Variants in SERPINA4 observed in about 807,000 individuals in gnomAD.
SERPINA4 encodes the protein serpin family A member 4, also known as kallistatin.
In SERPINA4, 24 loss-of-function variants were observed where a neutral mutation model predicts 25.4. The ratio of observed to expected loss-of-function variants is 0.95; its 90% CI spans 0.69 to 1.33. The LOEUF is 1.33. Ranked by LOEUF, SERPINA4 falls within the 40% of genes most tolerant of loss-of-function variation. SERPINA4 has a pLI of 0.00. For missense variants in SERPINA4, 553 were observed against 535.8 expected (o/e 1.03, Z -0.32); for synonymous variants, 242 against 223.6 (o/e 1.08, Z -0.73).
chr14:94,563,851 C>T lies in SERPINA4; in HGVS notation c.369C>T (p.His123=). 1 of 1,614,178 alleles carries T rather than the reference C, an allele frequency of 6.2e-7. No homozygotes were observed. The highest frequency in any genetic ancestry group is 8.5e-7 in the Non-Finnish European group (1 of 1,180,050). ...SESDVHRGFQ[H]LLHTLNLPGH... is the part of the protein sequence containing the mutation. ...CCGATGTCCATAGGGGCTTCCAGCA[C>T]CTCCTGCACACTCTCAACCTCCCCG... Residue 123 remains histidine, a synonymous_variant, in exon 2 of 5, where the codon CAC becomes CAT. Coordinates refer to ENST00000557004, the MANE Select transcript of SERPINA4 (RefSeq NM_006215.4).
Position 94,569,693 on chromosome 14 carries a change from A to C in SERPINA4, c.*98A>C, listed in dbSNP as rs1902336418. On this transcript the variant is annotated 3_prime_UTR_variant, in exon 5 of 5. Coordinates refer to ENST00000557004, the MANE Select transcript of SERPINA4 (RefSeq NM_006215.4). ...GTTTAGAGTTGGGGACAAGGATGAC[A>C]CCGAAGGTCCAGGAGTCCAGGACAG... 6 of 1,358,734 alleles carry C rather than the reference A, an allele frequency of 4.4e-6. No homozygotes were observed. The highest frequency in any genetic ancestry group is 4.3e-5 in the African/African-American group (3 of 69,772). The allele number at this position is 1,358,734 out of a possible 1,614,324, so 84.2% of individuals were successfully genotyped here. A position where few individuals can be genotyped will look rare whatever the true frequency, so the allele number is the denominator to read the frequency against.
chr14:94,566,934 C>A (rs1257788338), intron 2 of SERPINA4, 36 bp from the exon 3 acceptor site: 3 of 1,584,974 alleles, frequency 1.9e-6, no homozygotes, highest in South Asian at 2.3e-5. Context: ...CTGTGGCCTG[C>A]AGATGTCCTG....
Position 94,563,916 on chromosome 14 carries a change from T to C in SERPINA4, c.434T>C (p.Leu145Pro). 7 of 1,614,236 alleles carry C rather than the reference T, an allele frequency of 4.3e-6. No homozygotes were observed. The highest frequency in any genetic ancestry group is 5.9e-6 in the Non-Finnish European group (7 of 1,180,038). ...LETRVGSALF[L>P]SHNLKFLAKF... ...ACACGCGTGGGCAGTGCTCTGTTCC[T>C]GAGCCACAACCTGAAGTTCCTTGCA... is the stretch of plus-strand genomic sequence containing the variant. Residue 145 changes from leucine to proline, a missense_variant, in exon 2 of 5, where the codon CTG becomes CCG. Transcript: ENST00000557004.
chr14:94,561,654 G>T, intron 1 of SERPINA4, 160 bp downstream of exon 1: 1 of 1,287,782 alleles, frequency 7.8e-7, no homozygotes, highest in South Asian at 1.2e-5. Flanking sequence ...TCTTGCTAGA[G>T]GTGAGAAATA....
intron 2 of SERPINA4, among the ~76,000 whole-genome samples, chr14:94,564,990 A>G (rs1902157215): frequency 6.6e-6 from 1 of 152,204 alleles, no homozygotes; most frequent in Admixed American, 6.5e-5. Context: ...TGTGCAAACA[A>G]CTTTGTACGG....
Position 94,563,702 on chromosome 14 carries a change from A to G in SERPINA4, c.220A>G (p.Asn74Asp), listed in dbSNP as rs1176119805. The change falls in exon 2 of 5, where the codon AAC becomes GAC. Residue 74 changes from asparagine (N) to aspartate (D), a missense_variant. Physicochemically the swap from Asn to Asp is conservative, Grantham distance 23 (BLOSUM62 1). Transcript: ENST00000557004. ...GATCGCTTCGGAGACCCCGGGGAAG[A>G]ACATCTTTTTCTCCCCGCTGAGCAT... ...YLIASETPGKNIFFSPLSISA... is the reference protein window; with the variant it reads ...YLIASETPGKDIFFSPLSISA... The G allele has an allele frequency of 6.2e-7, 1 of 1,613,930 alleles. No homozygotes were observed. Among genetic ancestry groups the G allele is most frequent in the Non-Finnish European group, 8.5e-7 (1 of 1,180,040 alleles).
At chr14:94,569,344 A>G in intron 4 of SERPINA4, 51 bp from the exon 5 acceptor site, 1 of 1,566,268 alleles carries the variant, frequency 6.4e-7, no homozygotes, top group Non-Finnish European at 8.7e-7. Flanking sequence ...AGTCTTGTCC[A>G]GGCCCCCTCT....
At chr14:94,567,664 G>T (rs569678636) in intron 3 of SERPINA4, among the ~76,000 whole-genome samples, 1 of 152,158 alleles carries the variant, frequency 6.6e-6, no homozygotes, top group Non-Finnish European at 1.5e-5. Flanking sequence ...CATCACTCTG[G>T]TTATGATTGG....
intron 1 of SERPINA4, 114 bp from the exon 2 acceptor site, chr14:94,563,352 C>T: frequency 1.9e-6 from 2 of 1,070,720 alleles, no homozygotes; most frequent in South Asian, 1.5e-5. Context: ...AGCCCATCTG[C>T]AGGAGTTGAG....
chr14:94,568,267 G>A lies in SERPINA4; in HGVS notation c.1062G>A (p.Gln354=). ...CTGACTTATCCGGCATCACCAAACA[G>A]CAAAAACTGGAGGCATCCAAAGTAA... ...KWADLSGITK[Q]QKLEASKSFH... Residue 354 remains glutamine, a synonymous_variant, in exon 4 of 5, where the codon CAG becomes CAA. Transcript: ENST00000557004. 2.5e-6 allele frequency: 4 copies of A among 1,614,160 alleles called. No homozygotes were observed. Among genetic ancestry groups the A allele is most frequent in the Non-Finnish European group, 3.4e-6 (4 of 1,180,014 alleles).
intron 3 of SERPINA4, 106 bp downstream of exon 3, chr14:94,567,349 A>G (rs984407470): frequency 8.0e-7 from 1 of 1,242,638 alleles, no homozygotes; most frequent in Non-Finnish European, 1.1e-6. Context: ...AAATTATGAG[A>G]GAATTCTCAC....
chr14:94,568,148 G>C lies in SERPINA4; in HGVS notation c.943G>C (p.Glu315Gln), dbSNP rs1331517661. ...LRKRNFYKKL[E>Q]LHLPKFSISG... ...TTTCAGGAATTTTTACAAGAAGCTA[G>C]AGTTGCATCTTCCCAAGTTCTCCAT... The change falls in exon 4 of 5, where the codon GAG becomes CAG. Residue 315 changes from glutamate to glutamine, a missense_variant. Glu to Gln is a conservative substitution (Grantham distance 29). Coordinates refer to ENST00000557004, the MANE Select transcript of SERPINA4 (RefSeq NM_006215.4). 6.2e-7 allele frequency: 1 copy of C among 1,614,194 alleles called. No individual in the cohort carries two copies. The highest frequency in any genetic ancestry group is 8.5e-7 in the Non-Finnish European group (1 of 1,180,032).
intron 2 of SERPINA4, among the ~76,000 whole-genome samples, chr14:94,565,822 G>T (rs1008655356): frequency 6.6e-6 from 1 of 152,058 alleles, no homozygotes. Context: ...CCACACTCTG[G>T]TCTGGGTGAC....
Position 94,563,559 on chromosome 14 carries a change from A to G in SERPINA4, c.77A>G (p.His26Arg), listed in dbSNP as rs367555996. The G allele has an allele frequency of 1.2e-6, 2 of 1,613,966 alleles. No homozygotes were observed. Among genetic ancestry groups the G allele is most frequent in the Non-Finnish European group, 8.5e-7 (1 of 1,180,032 alleles). ...ALSHGQLHVEHDGESCSNSSH... is the reference protein window; with the variant it reads ...ALSHGQLHVERDGESCSNSSH... ...TCTCATGGCCAGCTGCACGTTGAGC[A>G]TGATGGTGAGAGTTGCAGTAACAGC... Residue 26 changes from histidine (H) to arginine (R), a missense_variant, in exon 2 of 5, where the codon CAT becomes CGT. By Grantham distance (29) the His-to-Arg change is conservative (BLOSUM62 0). Transcript: ENST00000557004.
chr14:94,569,881 C>A lies in SERPINA4; in HGVS notation c.*286C>A. 2.1e-6 allele frequency: 1 copy of A among 480,106 alleles called. No homozygotes were observed. Among genetic ancestry groups the A allele is most frequent in the Non-Finnish European group, 3.8e-6 (1 of 263,558 alleles). The allele number at this position is 480,106 out of a possible 1,614,324, so 29.7% of individuals were successfully genotyped here. ...CCCTTTTCACAACAGGCTGGTTGTACCGAGTAAACAACACGATGCCATGAA... is the reference window on the plus strand; with the variant it reads ...CCCTTTTCACAACAGGCTGGTTGTAACGAGTAAACAACACGATGCCATGAA... On this transcript the variant is annotated 3_prime_UTR_variant, in exon 5 of 5. Transcript: ENST00000557004.
chr14:94,569,147 T>C (rs1177969687), intron 4 of SERPINA4, among the ~76,000 whole-genome samples: 1 of 152,156 alleles, frequency 6.6e-6, no homozygotes, highest in Non-Finnish European at 1.5e-5. Context: ...GAAGATCAAA[T>C]AAGATGCATG....
rs1902020451 is a variant in SERPINA4, at chr14:94,561,448, G to A, written c.-64G>A. On this transcript the variant is annotated 5_prime_UTR_variant, in exon 1 of 5. Transcript: ENST00000557004. ...CAGTCCTCCTGGGCTTGATAAGACA[G>A]AGCTGAGACAGCCACCCAGGGGGTC... The A allele has an allele frequency of 3.1e-6, 1 of 327,592 alleles. No individual in the cohort carries two copies. The highest frequency in any genetic ancestry group is 2.2e-5 in the African/African-American group (1 of 46,510). The allele number at this position is 327,592 out of a possible 1,614,324, so 20.3% of individuals were successfully genotyped here. A position where few individuals can be genotyped will look rare whatever the true frequency, so the allele number is the denominator to read the frequency against.
chr14:94,567,355 C>A, intron 3 of SERPINA4, 112 bp downstream of exon 3: 1 of 1,182,334 alleles, frequency 8.5e-7, no homozygotes, highest in Non-Finnish European at 1.2e-6. Context: ...TGAGAGAATT[C>A]TCACTTGCTC....
chr14:94,567,376 C>T, intron 3 of SERPINA4, 133 bp downstream of exon 3: 1 of 956,740 alleles, frequency 1.0e-6, no homozygotes, highest in Non-Finnish European at 1.5e-6. Context: ...TGAGAACTTC[C>T]ATGGGCTTCC....
Sources: allele counts gnomAD v4.1 joint callset (sites outside exome capture counted in the v4.1 genomes callset), GRCh38; gene constraint gnomAD v4.1.1; transcripts MANE v1.5; gene names NCBI Gene and HGNC (gene_info 2026-07-23, HGNC 2026-07-21).